The following UBR1 variants were observed in gnomAD, a reference collection of about 807,000 sequenced individuals.
UBR1 encodes ubiquitin protein ligase E3 component n-recognin 1.
Under a neutral mutation model 242.1 loss-of-function variants are expected in UBR1, and 102 were observed. The observed-to-expected ratio is 0.42, with a 90% CI of 0.36 to 0.50. UBR1 has a LOEUF of 0.50. UBR1 is among the 20% of genes least tolerant of loss of function. The pLI is 0.01. For missense variants in UBR1, 1,772 were observed against 2,101.8 expected (o/e 0.84, Z 3.07); for synonymous variants, 675 against 684.8 (o/e 0.99, Z 0.22).
At chr15:43,071,114 T>C (rs1408397907) in intron 4 of UBR1, among the ~76,000 whole-genome samples, 189 bp from the exon 5 acceptor site, 1 of 152,208 alleles carries the variant, frequency 6.6e-6, no homozygotes, top group Non-Finnish European at 1.5e-5. Context: ...TGTGGCCAAG[T>C]TGGTGTTACT....
At chr15:43,053,207 C>G (rs963817914) in intron 12 of UBR1, among the ~76,000 whole-genome samples, 4 of 152,128 alleles carry the variant, frequency 2.6e-5, no homozygotes, top group African/African-American at 9.7e-5. Context: ...GCCTTCCAAA[C>G]TAGACACCTT....
intron 43 of UBR1, 93 bp from the exon 44 acceptor site, chr15:42,958,183 C>T: frequency 1.1e-6 from 1 of 873,766 alleles, no homozygotes; most frequent in Non-Finnish European, 1.9e-6. Context: ...TTAAAAATAA[C>T]AAAAGGATCT....
chr15:43,070,283 C>T (rs1305072505), intron 5 of UBR1, among the ~76,000 whole-genome samples: 2 of 149,946 alleles, frequency 1.3e-5, no homozygotes, highest in Non-Finnish European at 3.0e-5. Context: ...AAGCTACATC[C>T]CTATAATTTC....
intron 15 of UBR1, among the ~76,000 whole-genome samples, chr15:43,038,485 T>A (rs943969672): frequency 6.6e-6 from 1 of 152,070 alleles, no homozygotes; most frequent in Non-Finnish European, 1.5e-5. Context: ...TCCTAGCTAC[T>A]TGGGAGGCTG....
rs7496079 is a variant in UBR1 at position 43,043,595 on chromosome 15, C to T, written c.1669-200G>A. Among the ~76,000 whole-genome samples the T allele has an allele frequency of 0.53, 80,630 of 151,810 alleles. 26,167 individuals are homozygous for T. Among genetic ancestry groups the T allele is most frequent in the Non-Finnish European group, 0.7 (47,865 of 67,914 alleles). ...CCTCCTGAGTAGCTGGGACTACAGG[C>T]GCGTGCCACCATGCCCAGTTTTTGT... On this transcript the variant is annotated intron_variant, in intron 14 of 46. Coordinates refer to ENST00000290650, the MANE Select transcript of UBR1 (RefSeq NM_174916.3).
At chr15:43,019,711 T>C (rs1008798460) in intron 27 of UBR1, among the ~76,000 whole-genome samples, 1 of 148,992 alleles carries the variant, frequency 6.7e-6, no homozygotes, top group African/African-American at 2.5e-5. Context: ...GCCTCCTGAG[T>C]AGCTGGGATT....
intron 43 of UBR1, 69 bp downstream of exon 43, chr15:42,960,576 C>A: frequency 1.3e-6 from 2 of 1,503,068 alleles, no homozygotes; most frequent in South Asian, 2.3e-5. Context: ...AAACTATGCT[C>A]AACAAATCAA....
At chr15:42,998,687 C>T (rs1164583041) in intron 32 of UBR1, among the ~76,000 whole-genome samples, 1 of 152,204 alleles carries the variant, frequency 6.6e-6, no homozygotes. Context: ...ATCCAAGTCA[C>T]ATCAGCCCTC....
At chr15:43,101,723 TTGG>T (rs1444242925) in intron 1 of UBR1, among the ~76,000 whole-genome samples, 1 of 151,848 alleles carries the variant, frequency 6.6e-6, no homozygotes, top group African/African-American at 2.4e-5. Context: ...TCCCAGCAAT[TTGG>T]GAGGCTGAGG....
At chr15:43,092,089 A>T (rs1172355822) in intron 1 of UBR1, 1 of 435,286 alleles carries the variant, frequency 2.3e-6, no homozygotes, top group Non-Finnish European at 4.6e-6. Flanking sequence ...ATCTCAAAAA[A>T]CAAAACAAAT....
chr15:43,017,198 A>G lies in UBR1; in HGVS notation c.2941-17T>C. On this transcript the variant is annotated splice_polypyrimidine_tract_variant and intron_variant, in intron 27 of 46. Coordinates refer to ENST00000290650, the MANE Select transcript of UBR1 (RefSeq NM_174916.3). ...GTCAAACATCTGTGAAAAACAGATGAAACGTTAAAAGAGTTAGTTAGACTG... is the reference window on the plus strand; with the variant it reads ...GTCAAACATCTGTGAAAAACAGATGGAACGTTAAAAGAGTTAGTTAGACTG... 1 of 1,583,878 alleles carries G rather than the reference A, an allele frequency of 6.3e-7. No homozygotes were observed. The highest frequency in any genetic ancestry group is 8.7e-7 in the Non-Finnish European group (1 of 1,155,390).
At chr15:43,012,221 C>T (rs1207255937) in intron 29 of UBR1, among the ~76,000 whole-genome samples, 5 of 147,618 alleles carry the variant, frequency 3.4e-5, no homozygotes, top group East Asian at 2.0e-4. Flanking sequence ...AGTGAGATTC[C>T]GTCTCAAAAA....
Position 43,076,745 on chromosome 15 carries a change from T to G in UBR1, c.418-1656A>C, listed in dbSNP as rs8029365. On this transcript the variant is annotated intron_variant, in intron 3 of 46. Transcript: ENST00000290650. Reference sequence around the variant, plus strand: ...CTGGGAAGTGAGGAGCGTCTCCGCCTGGCAGCCACCGCGTCCGGGAGGGAG... The same window carrying G: ...CTGGGAAGTGAGGAGCGTCTCCGCCGGGCAGCCACCGCGTCCGGGAGGGAG... Among the ~76,000 whole-genome samples, 5 of 139,014 alleles carry G rather than the reference T, an allele frequency of 3.6e-5. No homozygotes were observed. In the East Asian group the frequency reaches 1.1e-3, roughly 31 times the overall value. The allele number at this position is 139,014 out of a possible 152,430, so 91.2% of individuals were successfully genotyped here. A position where few individuals can be genotyped will look rare whatever the true frequency, so the allele number is the denominator to read the frequency against.
intron 33 of UBR1, among the ~76,000 whole-genome samples, chr15:42,994,060 T>C (rs2032596534): frequency 6.6e-6 from 1 of 152,186 alleles, no homozygotes; most frequent in African/African-American, 2.4e-5. Flanking sequence ...CATCTCTCTC[T>C]AGCTTTTTCC....
intron 3 of UBR1, among the ~76,000 whole-genome samples, chr15:43,081,941 G>T (rs954597525): frequency 6.6e-5 from 10 of 151,096 alleles, no homozygotes; most frequent in Non-Finnish European, 1.2e-4. Flanking sequence ...CCAATAATAG[G>T]TAAATTTAAA....
intron 6 of UBR1, among the ~76,000 whole-genome samples, chr15:43,065,909 A>G (rs2033747085): frequency 1.3e-5 from 2 of 152,050 alleles, no homozygotes; most frequent in South Asian, 4.1e-4. Flanking sequence ...ATGTTCTCTT[A>G]TTCTGTAGGT....
intron 1 of UBR1, among the ~76,000 whole-genome samples, chr15:43,102,984 A>C (rs1365948227): frequency 6.6e-6 from 1 of 152,106 alleles, no homozygotes; most frequent in Non-Finnish European, 1.5e-5. Flanking sequence ...GCCTGGCCAT[A>C]TGGCAAAACC....
intron 1 of UBR1, among the ~76,000 whole-genome samples, chr15:43,095,507 T>C (rs1015955239): frequency 7.1e-6 from 1 of 140,082 alleles, no homozygotes; most frequent in Non-Finnish European, 1.5e-5. Context: ...CATATTTCCA[T>C]AAGCACTCAG....
intron 29 of UBR1, among the ~76,000 whole-genome samples, chr15:43,014,352 G>A (rs916670659): frequency 6.6e-6 from 1 of 151,806 alleles, no homozygotes; most frequent in African/African-American, 2.4e-5. Context: ...CATCGTCTGG[G>A]ATGTGAGGAG....
Sources: gnomAD v4.1 joint callset for allele counts (sites outside exome capture counted in the v4.1 genomes callset) on GRCh38, gnomAD v4.1.1 for gene constraint, MANE v1.5 for transcripts, NCBI Gene and HGNC (gene_info 2026-07-23, HGNC 2026-07-21) for gene names.